The following PHYH variants were observed in gnomAD, a reference collection of about 807,000 sequenced individuals.
PHYH encodes the protein phytanoyl-CoA dioxygenase, peroxisomal.
A neutral mutation model predicts 38.5 loss-of-function variants in PHYH; 32 were observed. The ratio of observed to expected loss-of-function variants is 0.83; its 90% CI spans 0.63 to 1.12. The LOEUF is 1.12. Among genes scored for constraint, PHYH ranks in the 50% most tolerant of loss-of-function variants. PHYH has a pLI of 0.00. For missense variants in PHYH, 426 were observed against 434.8 expected, an observed-to-expected ratio of 0.98 and a Z score of 0.18; for synonymous variants, 166 against 157.9, an observed-to-expected ratio of 1.05 and a Z score of -0.38.
chr10:13,286,790 A>G (rs1835562162), intron 6 of PHYH, among the ~76,000 whole-genome samples: 1 of 152,106 alleles, frequency 6.6e-6, no homozygotes, highest in Non-Finnish European at 1.5e-5. Flanking sequence ...AGGAAGCCAG[A>G]ACGGGACAAA....
At chr10:13,280,518 T>G (rs1030180915) in intron 8 of PHYH, among the ~76,000 whole-genome samples, 1 of 152,168 alleles carries the variant, frequency 6.6e-6, no homozygotes, top group South Asian at 2.1e-4. Flanking sequence ...TATTTTTATT[T>G]CTTTTTTAGT....
At chr10:13,281,941 T>C (rs1229925973) in intron 7 of PHYH, among the ~76,000 whole-genome samples, 3 of 152,200 alleles carry the variant, frequency 2.0e-5, no homozygotes. Context: ...AGTAATATTT[T>C]CCCAGAACAT....
intron 5 of PHYH, among the ~76,000 whole-genome samples, chr10:13,290,426 C>T (rs371388353): frequency 3.4e-4 from 52 of 152,276 alleles, no homozygotes; most frequent in African/African-American, 1.2e-3. Context: ...GTGTGGCTCC[C>T]GAACACCTGC....
intron 8 of PHYH, among the ~76,000 whole-genome samples, chr10:13,278,877 G>A (rs1237871813): frequency 6.6e-6 from 1 of 152,182 alleles, no homozygotes; most frequent in East Asian, 1.9e-4. Context: ...ACTAAATTAA[G>A]TCAGTGGGTC....
At chr10:13,295,782 T>C (rs1184358982) in intron 2 of PHYH, among the ~76,000 whole-genome samples, 176 bp from the exon 3 acceptor site, 1 of 150,268 alleles carries the variant, frequency 6.7e-6, no homozygotes, top group African/African-American at 2.5e-5. Flanking sequence ...CAAAAAATAC[T>C]GGTTGTGCCA....
chr10:13,294,310 C>G, intron 4 of PHYH, 118 bp downstream of exon 4: 1 of 886,348 alleles, frequency 1.1e-6, no homozygotes, highest in Non-Finnish European at 1.9e-6. Context: ...CCTGCCTCAG[C>G]CTCCCACAGT....
At chr10:13,281,134 A>T (rs1317426050) in intron 7 of PHYH, 24 bp from the exon 8 acceptor site, 1 of 1,613,688 alleles carries the variant, frequency 6.2e-7, no homozygotes, top group African/African-American at 1.3e-5. Flanking sequence ...ACAAATTGAT[A>T]TTGGAGAAAA....
chr10:13,287,936 T>C (rs1835594584), intron 6 of PHYH, among the ~76,000 whole-genome samples: 1 of 152,126 alleles, frequency 6.6e-6, no homozygotes. Context: ...TCCCAGCACT[T>C]AGGGAGGCCG....
rs1835825295 is a variant in PHYH at position 13,295,547 on chromosome 10, C to T, written c.194G>A (p.Gly65Glu). 2.6e-6 allele frequency: 4 copies of T among 1,566,052 alleles called. No individual in the cohort carries two copies. The highest frequency in any genetic ancestry group is 1.7e-5 in the Admixed American group (1 of 59,920). Residue 65 changes from glycine (G) to glutamate (E), a missense_variant, in exon 3 of 9, where the codon GGG becomes GAG. Physicochemically the swap from Gly to Glu is moderately conservative, Grantham distance 98. Coordinates refer to ENST00000263038, the MANE Select transcript of PHYH (RefSeq NM_006214.4). ...TACAAGATTTTTGATTACTAGAAAC[C>T]CATTTTCTTCATAAAATTTTCTCTG... is the stretch of plus-strand genomic sequence containing the variant. ...LEQRKFYEEN[G>E]FLVIKNLVPD...
In PHYH at chr10:13,298,243, T is replaced by C; in HGVS notation, c.78A>G (p.Val26=). 1 of 1,594,314 alleles carries C rather than the reference T, an allele frequency of 6.3e-7. No individual in the cohort carries two copies. The highest frequency in any genetic ancestry group is 8.6e-7 in the Non-Finnish European group (1 of 1,162,108). ...AAATAGTCCCTGAAGTGGGATGAGC[T>C]ACCTAGGATGTGAATTAAGGCAAAT... ...HLGRPSAGAV[V]AHPTSGTISS... Residue 26 remains valine, a splice_region_variant and synonymous_variant, in exon 2 of 9, where the codon GTA becomes GTG. Coordinates refer to ENST00000263038, the MANE Select transcript of PHYH (RefSeq NM_006214.4).
chr10:13,280,862 T>G, intron 8 of PHYH, 114 bp downstream of exon 8: 2 of 1,026,336 alleles, frequency 1.9e-6, no homozygotes, highest in Non-Finnish European at 3.0e-6. Context: ...GTCCCTAAAA[T>G]GAATCTAAAC....
chr10:13,282,827 G>A (rs886956891), intron 7 of PHYH, among the ~76,000 whole-genome samples: 6 of 151,970 alleles, frequency 3.9e-5, no homozygotes, highest in African/African-American at 1.2e-4. Flanking sequence ...TACTAAACTC[G>A]ATTGCAGAGT....
chr10:13,278,111 GT>G lies in PHYH; in HGVS notation c.*189del, dbSNP rs3839912. On this transcript the variant is annotated 3_prime_UTR_variant, in exon 9 of 9. Transcript: ENST00000263038. Reference sequence around the variant, plus strand: ...AAAACAGTAATATTTCACTTTTACTGTTTTTTTTTTCCATTAAAGCAACACC... The same window carrying G: ...AAAACAGTAATATTTCACTTTTACTGTTTTTTTTTCCATTAAAGCAACACC... 0.6 allele frequency: 320,497 copies of G among 530,660 alleles called. 93,325 individuals carry two copies. The highest frequency in any genetic ancestry group is 0.72 in the African/African-American group (36,887 of 51,212). 32.9% of individuals were successfully genotyped at this position (530,660 alleles called of 1,614,324 possible).
At position 13,281,472 on chromosome 10, in the gene PHYH, C is replaced by T. The variant is rs528401334; in HGVS notation, c.829-362G>A. On this transcript the variant is annotated intron_variant, in intron 7 of 8. Coordinates refer to ENST00000263038, the MANE Select transcript of PHYH (RefSeq NM_006214.4). Reference sequence around the variant, plus strand: ...AAGTCTTAAGAAGGACTGCATTCCACGGCAGTTTATCTCATAAGTTAGTTA... The same window carrying T: ...AAGTCTTAAGAAGGACTGCATTCCATGGCAGTTTATCTCATAAGTTAGTTA... 4.0e-5 allele frequency among the ~76,000 whole-genome samples: 6 copies of T among 151,638 alleles called. No homozygotes were observed. The South Asian group carries it at 8.3e-4, about 21-fold the overall frequency.
intron 3 of PHYH, 119 bp downstream of exon 3, chr10:13,295,377 C>T (rs1835820151): frequency 2.8e-6 from 2 of 704,638 alleles, no homozygotes; most frequent in Middle Eastern, 2.8e-4. Flanking sequence ...CTTCTAAACA[C>T]TTCCCAACAA....
chr10:13,299,008 C>T (rs1310634905), intron 1 of PHYH, among the ~76,000 whole-genome samples: 1 of 149,732 alleles, frequency 6.7e-6, no homozygotes, highest in Non-Finnish European at 1.5e-5. Flanking sequence ...GGCATCGTGG[C>T]GCAACCCTGT....
chr10:13,285,839 A>G (rs631496), intron 6 of PHYH, among the ~76,000 whole-genome samples: 92,952 of 151,020 alleles, frequency 0.62, 29,586 homozygotes, highest in African/African-American at 0.8. Context: ...CCTGACCTCA[A>G]GTGATCCGCC....
At chr10:13,287,890 C>T (rs1359355029) in intron 6 of PHYH, among the ~76,000 whole-genome samples, 3 of 152,152 alleles carry the variant, frequency 2.0e-5, no homozygotes, top group Non-Finnish European at 4.4e-5. Flanking sequence ...CTTTCAAACA[C>T]GTGTTAAGGG....
intron 4 of PHYH, 90 bp downstream of exon 4, chr10:13,294,338 G>T: frequency 8.4e-7 from 1 of 1,187,122 alleles, no homozygotes; most frequent in South Asian, 1.2e-5. Flanking sequence ...TTACAGGAGT[G>T]AGCCACTGCG....
Sources: gnomAD v4.1 joint callset for allele counts (sites outside exome capture counted in the v4.1 genomes callset) on GRCh38, gnomAD v4.1.1 for gene constraint, MANE v1.5 for transcripts, NCBI Gene and HGNC (gene_info 2026-07-23, HGNC 2026-07-21) for gene names.